WDR41: variants seen among roughly 807,000 people sequenced by gnomAD.
WDR41 encodes WD repeat domain 41.
WDR41 carries 63 observed loss-of-function variants against 69.3 expected under a neutral mutation model. That is an observed-to-expected ratio of 0.91 (90% CI 0.74 to 1.12). The LOEUF is 1.12. Ranked by LOEUF, WDR41 falls within the 50% of genes most tolerant of loss-of-function variation. The pLI, the probability that WDR41 is intolerant of heterozygous loss-of-function variation, is 0.00. For missense variants in WDR41, 543 were observed against 534.5 expected, an observed-to-expected ratio of 1.02 and a Z score of -0.16; for synonymous variants, 185 against 192.1, an observed-to-expected ratio of 0.96 and a Z score of 0.31.
At chr5:77,458,748 G>C (rs1459046838) in intron 5 of WDR41, 2 of 194,376 alleles carry the variant, frequency 1.0e-5, no homozygotes, top group Admixed American at 1.2e-4. Context: ...AAAGAAAACA[G>C]ACCAGCTACT....
At chr5:77,519,619 T>TA (rs887973339) in intron 1 of WDR41, among the ~76,000 whole-genome samples, 34 of 151,632 alleles carry the variant, frequency 2.2e-4, no homozygotes, top group Non-Finnish European at 3.8e-4. Flanking sequence ...CTTTTTATTC[T>TA]AAAAAAAACC....
At position 77,489,664 on chromosome 5, in the gene WDR41, T is replaced by C. The variant is rs571770878; in HGVS notation, c.52-92A>G. The C allele has an allele frequency of 2.8e-5, 19 of 689,228 alleles. No individual in the cohort carries two copies. In the South Asian group the frequency reaches 2.8e-4, roughly 10 times the overall value. 42.7% of individuals were successfully genotyped at this position (689,228 alleles called of 1,614,324 possible). A position where few individuals can be genotyped will look rare whatever the true frequency, so the allele number is the denominator to read the frequency against. ...ACCATATTGGAATATAACTCCATGG[T>C]ATACATCTGAGAACACAAGATTTTA... On this transcript the variant is annotated intron_variant, in intron 1 of 12. Coordinates refer to ENST00000296679, the MANE Select transcript of WDR41 (RefSeq NM_018268.4).
chr5:77,590,127 T>C (rs986293597), intron 1 of WDR41, among the ~76,000 whole-genome samples: 2 of 152,190 alleles, frequency 1.3e-5, no homozygotes. Context: ...TAATGTGAAT[T>C]TTATTGACTT....
chr5:77,437,184 A>C (rs1056521218), intron 11 of WDR41, 152 bp downstream of exon 11: 2 of 648,960 alleles, frequency 3.1e-6, no homozygotes, highest in Non-Finnish European at 5.4e-6. Flanking sequence ...TAAATCCTAG[A>C]TCTCAATTAC....
chr5:77,562,116 C>T (rs572136672), intron 1 of WDR41, among the ~76,000 whole-genome samples: 9 of 152,100 alleles, frequency 5.9e-5, no homozygotes, highest in Non-Finnish European at 1.2e-4. Flanking sequence ...ATGGCTGTGA[C>T]CTTCATGGTG....
intron 8 of WDR41, among the ~76,000 whole-genome samples, chr5:77,447,209 T>G (rs1160602538): frequency 1.3e-5 from 2 of 152,104 alleles, no homozygotes; most frequent in Admixed American, 1.3e-4. Context: ...AGAATCACAA[T>G]GAGATACCAT....
At chr5:77,443,363 G>A (rs1044308029) in intron 8 of WDR41, among the ~76,000 whole-genome samples, 2 of 152,044 alleles carry the variant, frequency 1.3e-5, no homozygotes, top group African/African-American at 2.4e-5. Flanking sequence ...AAACCAGCAC[G>A]ACAGAAATCT....
At chr5:77,575,774 A>AC (rs35586555) in intron 1 of WDR41, among the ~76,000 whole-genome samples, 50,525 of 152,008 alleles carry the variant, frequency 0.33, 9,706 homozygotes, top group African/African-American at 0.51. Flanking sequence ...TCATACAGTA[A>AC]CTTGATGAAG....
intron 8 of WDR41, among the ~76,000 whole-genome samples, chr5:77,442,649 T>C (rs1479891933): frequency 6.6e-6 from 1 of 152,002 alleles, no homozygotes; most frequent in Non-Finnish European, 1.5e-5. Context: ...TCCCAGCACT[T>C]TGGGAGGCCG....
At chr5:77,453,449 G>T (rs1439490169) in intron 6 of WDR41, among the ~76,000 whole-genome samples, 1 of 151,940 alleles carries the variant, frequency 6.6e-6, no homozygotes, top group Non-Finnish European at 1.5e-5. Flanking sequence ...TGATCTTTTT[G>T]GTAAGGACAA....
intron 8 of WDR41, among the ~76,000 whole-genome samples, chr5:77,448,898 C>CA (rs994866696): frequency 7.8e-6 from 1 of 128,708 alleles, no homozygotes; most frequent in Non-Finnish European, 1.7e-5. Flanking sequence ...CAAACACAAA[C>CA]AAAAAAAACA....
chr5:77,582,842 A>G lies in WDR41; in HGVS notation c.42+37637T>C, dbSNP rs1743964474. 4 of 1,602,794 alleles carry G rather than the reference A, an allele frequency of 2.5e-6. No individual in the cohort carries two copies. In the African/African-American group the frequency reaches 5.3e-5, roughly 21 times the overall value. ...AAGTCAGTAAATGAACTAATCTACA[A>G]GCGTGGTTATGGCAAAATCAATAAG... On this transcript the variant is annotated intron_variant, in intron 1 of 5. Transcript: ENST00000509971.
At chr5:77,498,657 A>C (rs1801969605) in intron 1 of WDR41, among the ~76,000 whole-genome samples, 1 of 152,032 alleles carries the variant, frequency 6.6e-6, no homozygotes, top group Non-Finnish European at 1.5e-5. Context: ...CATATCTATA[A>C]AAAGTTTTAA....
At chr5:77,588,794 T>TA (rs558470456) in intron 1 of WDR41, among the ~76,000 whole-genome samples, 7 of 152,124 alleles carry the variant, frequency 4.6e-5, no homozygotes, top group Admixed American at 2.0e-4. Flanking sequence ...GTTTTTGTTT[T>TA]AAAAAAAATC....
intron 1 of WDR41, among the ~76,000 whole-genome samples, chr5:77,536,749 G>A (rs750525395): frequency 6.6e-6 from 1 of 152,118 alleles, no homozygotes; most frequent in Non-Finnish European, 1.5e-5. Flanking sequence ...GGAGCAATAG[G>A]CTGTACCGTG....
chr5:77,465,266 G>C (rs1284140873), intron 2 of WDR41, among the ~76,000 whole-genome samples: 2 of 152,064 alleles, frequency 1.3e-5, no homozygotes, highest in East Asian at 3.9e-4. Context: ...CAACTCCTTA[G>C]TCTTTCCACA....
intron 2 of WDR41, among the ~76,000 whole-genome samples, chr5:77,472,437 G>A (rs431781): frequency 0.6 from 88,993 of 147,732 alleles, 28,429 homozygotes; most frequent in African/African-American, 0.82. Context: ...AATTAGGCAG[G>A]GGAAGGAAAT....
At chr5:77,551,934 G>T (rs944237482) in intron 1 of WDR41, among the ~76,000 whole-genome samples, 1 of 150,840 alleles carries the variant, frequency 6.6e-6, no homozygotes, top group South Asian at 2.1e-4. Flanking sequence ...AGCCGAGATC[G>T]TGCCACTGCA....
intron 1 of WDR41, among the ~76,000 whole-genome samples, chr5:77,573,741 C>T (rs551057244): frequency 1.3e-4 from 20 of 152,218 alleles, no homozygotes; most frequent in East Asian, 1.9e-4. Flanking sequence ...CAGAAATTTC[C>T]GACAGAACTA....
Sources: allele counts gnomAD v4.1 joint callset (sites outside exome capture counted in the v4.1 genomes callset), GRCh38; gene constraint gnomAD v4.1.1; transcripts MANE v1.5; gene names NCBI Gene and HGNC (gene_info 2026-07-23, HGNC 2026-07-21).